The following PHACTR1 variants were observed in gnomAD, a reference collection of about 807,000 sequenced individuals.
The protein encoded by PHACTR1 is RPEL repeat containing 1.
A neutral mutation model predicts 69.2 loss-of-function variants in PHACTR1; 16 were observed. The observed-to-expected ratio is 0.23, with a 90% CI of 0.16 to 0.35. PHACTR1 has a LOEUF of 0.35. PHACTR1 is among the 10% of genes least tolerant of loss of function. The pLI, the probability that PHACTR1 is intolerant of heterozygous loss-of-function variation, is 1.00. For synonymous variants in PHACTR1, 312 were observed against 284.5 expected, an observed-to-expected ratio of 1.10 and a Z score of -0.97; for missense variants, 510 against 734.7, an observed-to-expected ratio of 0.69 and a Z score of 3.54.
chr6:13,063,081 A>G (rs377546016), intron 5 of PHACTR1, among the ~76,000 whole-genome samples: 87 of 152,274 alleles, frequency 5.7e-4, no homozygotes, highest in African/African-American at 2.0e-3. Context: ...AGGCTGTTGG[A>G]CTTCTATAAA....
chr6:12,796,059 G>A (rs748132435), intron 4 of PHACTR1, among the ~76,000 whole-genome samples: 6 of 152,018 alleles, frequency 3.9e-5, no homozygotes, highest in Admixed American at 6.5e-5. Context: ...CAAAACCAAC[G>A]AAATTGTTTT....
chr6:12,828,606 G>A (rs1777063969), intron 4 of PHACTR1, among the ~76,000 whole-genome samples: 1 of 152,144 alleles, frequency 6.6e-6, no homozygotes, highest in South Asian at 2.1e-4. Context: ...GAATTTGACT[G>A]TAGCTGTCTT....
At chr6:13,152,200 G>T (rs1245280564) in intron 5 of PHACTR1, among the ~76,000 whole-genome samples, 1 of 152,104 alleles carries the variant, frequency 6.6e-6, no homozygotes, top group South Asian at 2.1e-4. Flanking sequence ...CAGGCGTGGT[G>T]GTGGGTGCCT....
intron 6 of PHACTR1, among the ~76,000 whole-genome samples, chr6:13,177,443 G>A (rs1781673): frequency 0.076 from 897 of 11,864 alleles, 4 homozygotes; most frequent in African/African-American, 0.091. Flanking sequence ...GTGTATATAT[G>A]TGTGTGTGTG....
rs1017634523 is a variant in PHACTR1, at chr6:13,117,724, CT to C, written c.416-42479del. Among the ~76,000 whole-genome samples the C allele has an allele frequency of 3.9e-5, 6 of 152,234 alleles. No homozygotes were observed. In the East Asian group the frequency reaches 9.6e-4, roughly 24 times the overall value. On this transcript the variant is annotated intron_variant, in intron 5 of 14. Transcript: ENST00000332995. ...CAGTAATTCACCTTATAATTTTAGCCTGCACAGATCACATGACTTTCTCTCT... is the reference window on the plus strand; with the variant it reads ...CAGTAATTCACCTTATAATTTTAGCCGCACAGATCACATGACTTTCTCTCT...
At chr6:13,182,478 A>C (rs1762300525) in intron 6 of PHACTR1, 41 bp from the exon 7 acceptor site, 1 of 1,602,010 alleles carries the variant, frequency 6.2e-7, no homozygotes, top group African/African-American at 1.3e-5. Context: ...CTTGAAAGGC[A>C]GACATTGTCT....
chr6:12,833,009 A>G (rs1777753231), intron 4 of PHACTR1, among the ~76,000 whole-genome samples: 1 of 152,086 alleles, frequency 6.6e-6, no homozygotes, highest in Non-Finnish European at 1.5e-5. Flanking sequence ...AAATTTGGTG[A>G]GGTAGATAGA....
intron 6 of PHACTR1, among the ~76,000 whole-genome samples, chr6:13,163,103 G>C (rs903195875): frequency 1.3e-5 from 2 of 152,052 alleles, no homozygotes; most frequent in African/African-American, 4.8e-5. Flanking sequence ...AAATTTGTCG[G>C]GTGTGGTGGC....
chr6:13,270,703 G>A (rs780831249), intron 10 of PHACTR1, among the ~76,000 whole-genome samples: 1 of 152,106 alleles, frequency 6.6e-6, no homozygotes, highest in Non-Finnish European at 1.5e-5. Flanking sequence ...ACAGTTTCAG[G>A]GTGCTATAGG....
intron 4 of PHACTR1, among the ~76,000 whole-genome samples, chr6:12,862,795 CTAAT>C (rs1336666762): frequency 6.6e-6 from 1 of 152,204 alleles, no homozygotes; most frequent in Non-Finnish European, 1.5e-5. Flanking sequence ...CCTTCTACTA[CTAAT>C]TAATTACAGC....
rs185344463 is a variant in PHACTR1 at position 13,069,812 on chromosome 6, A to T, written c.415+16283A>T. Among the ~76,000 whole-genome samples, 255 of 152,310 alleles carry T rather than the reference A, an allele frequency of 1.7e-3. 1 individual carries two copies. Among genetic ancestry groups the T allele is most frequent in the African/African-American group, 5.8e-3 (240 of 41,570 alleles). On this transcript the variant is annotated intron_variant, in intron 5 of 14. Transcript: ENST00000332995. ...ACCCTTTCCATGCCTTATGGACTTG[A>T]ATCTTGCAACAGACCTATATAGTAT...
At chr6:13,220,238 C>T (rs993287236) in intron 8 of PHACTR1, among the ~76,000 whole-genome samples, 1 of 152,190 alleles carries the variant, frequency 6.6e-6, no homozygotes, top group Admixed American at 6.5e-5. Flanking sequence ...ATCTATCTGT[C>T]CAACATCTTG....
intron 4 of PHACTR1, among the ~76,000 whole-genome samples, chr6:12,952,099 G>A (rs576029023): frequency 6.6e-6 from 1 of 152,308 alleles, no homozygotes; most frequent in Middle Eastern, 3.4e-3. Flanking sequence ...CTTTAGAGCA[G>A]TTTTAGGTTC....
chr6:13,013,732 C>G (rs1799727238), intron 4 of PHACTR1, among the ~76,000 whole-genome samples: 2 of 150,668 alleles, frequency 1.3e-5, no homozygotes, highest in Non-Finnish European at 3.0e-5. Flanking sequence ...AGGTCAAGAC[C>G]CTTTCGGCGC....
chr6:12,751,717 T>A (rs751896368), intron 4 of PHACTR1, among the ~76,000 whole-genome samples: 3 of 152,216 alleles, frequency 2.0e-5, no homozygotes, highest in Admixed American at 6.5e-5. Context: ...AGGACTTATC[T>A]ATGTTTCATC....
intron 6 of PHACTR1, among the ~76,000 whole-genome samples, chr6:13,169,748 C>A (rs1025735778): frequency 6.6e-6 from 1 of 152,150 alleles, no homozygotes; most frequent in Non-Finnish European, 1.5e-5. Context: ...TATATAGATT[C>A]TTCAGTTACC....
intron 4 of PHACTR1, among the ~76,000 whole-genome samples, chr6:13,045,947 G>T (rs1804960418): frequency 1.3e-5 from 2 of 152,208 alleles, no homozygotes; most frequent in Admixed American, 6.5e-5. Context: ...GGTATATGGA[G>T]CCTCCCTCCT....
chr6:13,286,771 T>G (rs1190895881), intron 14 of PHACTR1, among the ~76,000 whole-genome samples: 1 of 152,218 alleles, frequency 6.6e-6, no homozygotes, highest in African/African-American at 2.4e-5. Flanking sequence ...GGGGAACATT[T>G]AGAGAAATAG....
At chr6:12,841,942 G>T (rs185377670) in intron 4 of PHACTR1, among the ~76,000 whole-genome samples, 322 of 152,120 alleles carry the variant, frequency 2.1e-3, no homozygotes, top group African/African-American at 7.4e-3. Flanking sequence ...GGTAAAGAAG[G>T]CCCTTTAGAA....
Sources: gnomAD v4.1 joint callset for allele counts (sites outside exome capture counted in the v4.1 genomes callset) on GRCh38, gnomAD v4.1.1 for gene constraint, MANE v1.5 for transcripts, NCBI Gene and HGNC (gene_info 2026-07-23, HGNC 2026-07-21) for gene names.